The following USP43 variants were observed in gnomAD, a reference collection of about 807,000 sequenced individuals.
USP43 encodes ubiquitin carboxyl-terminal hydrolase 43.
USP43 carries 33 observed loss-of-function variants against 90.7 expected under a neutral mutation model. The observed-to-expected ratio is 0.36, with a 90% CI of 0.28 to 0.49. The LOEUF (loss-of-function observed/expected upper bound fraction) is 0.49. USP43 is among the 20% of genes least tolerant of loss of function. The pLI is 0.98. For missense variants in USP43, 1,274 were observed against 1,476.4 expected (o/e 0.86, Z 2.25); for synonymous variants, 598 against 615.8 (o/e 0.97, Z 0.43).
At chr17:9,672,204 C>A (rs549177617) in intron 3 of USP43, among the ~76,000 whole-genome samples, 9 of 152,252 alleles carry the variant, frequency 5.9e-5, no homozygotes, top group African/African-American at 2.2e-4. Flanking sequence ...ACCATGTTGA[C>A]CGGGTTGGTC....
intron 14 of USP43, among the ~76,000 whole-genome samples, chr17:9,725,698 C>T (rs1344831348): frequency 1.3e-5 from 2 of 152,158 alleles, no homozygotes; most frequent in East Asian, 1.9e-4. Flanking sequence ...GTAGCTCAGG[C>T]GTTGATGTCA....
intron 14 of USP43, among the ~76,000 whole-genome samples, chr17:9,724,586 A>C (rs1917156810): frequency 6.6e-6 from 1 of 152,202 alleles, no homozygotes; most frequent in Admixed American, 6.5e-5. Flanking sequence ...AGGCTGAGGC[A>C]GGAGAATCAC....
intron 14 of USP43, among the ~76,000 whole-genome samples, chr17:9,715,287 C>T (rs1916437334): frequency 6.6e-6 from 1 of 151,920 alleles, no homozygotes; most frequent in South Asian, 2.1e-4. Context: ...ATAGTGAGAC[C>T]CCATCTCTAT....
intron 3 of USP43, among the ~76,000 whole-genome samples, chr17:9,668,619 G>A (rs1913196344): frequency 1.3e-5 from 2 of 152,174 alleles, no homozygotes; most frequent in Non-Finnish European, 1.5e-5. Context: ...ATGACTGCGG[G>A]CTCTTCGTTC....
In USP43 at chr17:9,670,791, G is replaced by A. The variant is rs142024038; in HGVS notation, c.740+4040G>A. Among the ~76,000 whole-genome samples, 474 of 152,244 alleles carry A rather than the reference G, an allele frequency of 3.1e-3. 5 individuals are homozygous for A. Among genetic ancestry groups the A allele is most frequent in the Non-Finnish European group, 5.3e-3 (360 of 68,018 alleles). ...TGCCCTTTGGGTATTTTTTCCTATAGCATGATGAGTAAGAGGCGAGGTGTT... is the reference window on the plus strand; with the variant it reads ...TGCCCTTTGGGTATTTTTTCCTATAACATGATGAGTAAGAGGCGAGGTGTT... On this transcript the variant is annotated intron_variant, in intron 3 of 14. Transcript: ENST00000285199.
rs541739532 is a variant in USP43, at chr17:9,688,516, A to C, written c.1353+1607A>C. The stretch of plus-strand genomic sequence containing the variant: ...CAGGCAAGCGCCACCACACCCAGCT[A>C]ATTTTTGTATATTTAGTAGACACGG... On this transcript the variant is annotated intron_variant, in intron 8 of 14. Coordinates refer to ENST00000285199, the MANE Select transcript of USP43 (RefSeq NM_153210.5). Among the ~76,000 whole-genome samples, 14 of 149,866 alleles carry C rather than the reference A, an allele frequency of 9.3e-5. 1 individual carries two copies. The South Asian group carries it at 3.0e-3, about 32-fold the overall frequency.
intron 9 of USP43, among the ~76,000 whole-genome samples, chr17:9,695,019 T>C (rs192282868): frequency 6.6e-6 from 1 of 152,332 alleles, no homozygotes; most frequent in East Asian, 1.9e-4. Flanking sequence ...AGCGCTAGAA[T>C]TGAGTAGAGT....
rs892016823 is a variant in USP43, at chr17:9,674,509, G to A, written c.741-382G>A. Among the ~76,000 whole-genome samples, 3 of 152,148 alleles carry A rather than the reference G, an allele frequency of 2.0e-5. No individual in the cohort carries two copies. The highest frequency in any genetic ancestry group is 2.1e-4 in the South Asian group (1 of 4,818). ...CCTGTTCTGGATACTTCATATAAAC[G>A]GGATCGTACAATATGTGGGCTTTCA... On this transcript the variant is annotated intron_variant, in intron 3 of 14. Coordinates refer to ENST00000285199, the MANE Select transcript of USP43 (RefSeq NM_153210.5). This position sits in a 1 kb window ranked among gnomAD's most constrained non-coding sequence, Gnocchi z 4.4.
chr17:9,669,385 A>C (rs1913248637), intron 3 of USP43, among the ~76,000 whole-genome samples: 1 of 152,130 alleles, frequency 6.6e-6, no homozygotes, highest in Non-Finnish European at 1.5e-5. Flanking sequence ...TCTCGTCCAC[A>C]TACTCTTCTT....
At chr17:9,707,712 C>G (rs999657657) in intron 12 of USP43, among the ~76,000 whole-genome samples, 2 of 149,600 alleles carry the variant, frequency 1.3e-5, no homozygotes, top group Non-Finnish European at 3.0e-5. Context: ...TTTTAATGCA[C>G]TGATTACCAG....
rs753645778 is a variant in USP43 at position 9,712,016 on chromosome 17, G to C, written c.2219G>C (p.Ser740Thr). Residue 740 changes from serine to threonine, a missense_variant, in exon 14 of 15, where the codon AGC (serine) becomes ACC (threonine). Physicochemically the swap from Ser to Thr is moderately conservative, Grantham distance 58 (BLOSUM62 1). Around this residue, in one of 6 missense-constraint regions of USP43, gnomAD observed 285 missense variants for 349.6 expected, o/e 0.82. Transcript: ENST00000285199. The part of the protein sequence containing the change: ...LSDHWLLRLG[S>T]HAGSTRGSLL... ...GATCACTGGCTCTTACGGCTCGGGAGCCACGCTGGCAGCACAAGGGGAAGC... is the reference window on the plus strand; with the variant it reads ...GATCACTGGCTCTTACGGCTCGGGACCCACGCTGGCAGCACAAGGGGAAGC... The C allele has an allele frequency of 2.5e-6, 4 of 1,611,538 alleles. No homozygotes were observed. Among genetic ancestry groups the C allele is most frequent in the Non-Finnish European group, 3.4e-6 (4 of 1,178,888 alleles).
intron 8 of USP43, among the ~76,000 whole-genome samples, chr17:9,688,148 G>A (rs1476131024): frequency 6.6e-6 from 1 of 151,702 alleles, no homozygotes; most frequent in Admixed American, 6.6e-5. Flanking sequence ...ACCACGCCCA[G>A]CTAACTTTTT....
chr17:9,671,272 A>T (rs1165213536), intron 3 of USP43, among the ~76,000 whole-genome samples: 1 of 146,986 alleles, frequency 6.8e-6, no homozygotes, highest in Admixed American at 6.7e-5. Context: ...TTTTGGCTGG[A>T]GGAGGGAGTG....
intron 12 of USP43, among the ~76,000 whole-genome samples, chr17:9,705,543 T>C (rs1416805143): frequency 6.6e-6 from 1 of 151,694 alleles, no homozygotes; most frequent in African/African-American, 2.4e-5. Context: ...TCACTTGAGG[T>C]TAGGAGTTCA....
At chr17:9,699,395 A>G (rs1326168353) in intron 9 of USP43, among the ~76,000 whole-genome samples, 2 of 152,170 alleles carry the variant, frequency 1.3e-5, no homozygotes, top group Non-Finnish European at 2.9e-5. Context: ...TCCAGCTCAG[A>G]CCTGTCCATG....
chr17:9,654,371 T>G (rs1443545977), intron 1 of USP43, among the ~76,000 whole-genome samples: 1 of 152,136 alleles, frequency 6.6e-6, no homozygotes, highest in Non-Finnish European at 1.5e-5. Context: ...GAATCCAAAC[T>G]AATGTGATTG....
At chr17:9,664,977 T>A (rs1912929001) in intron 2 of USP43, among the ~76,000 whole-genome samples, 1 of 152,226 alleles carries the variant, frequency 6.6e-6, no homozygotes, top group Non-Finnish European at 1.5e-5. Flanking sequence ...TAAATAGCGT[T>A]ATATTATGAG....
chr17:9,700,124 G>A, intron 9 of USP43, 48 bp from the exon 10 acceptor site: 1 of 1,525,368 alleles, frequency 6.6e-7, no homozygotes. Flanking sequence ...AAGAGCTGTG[G>A]GAAGGAGGCC....
At chr17:9,715,182 G>A (rs997556303) in intron 14 of USP43, among the ~76,000 whole-genome samples, 7 of 152,204 alleles carry the variant, frequency 4.6e-5, no homozygotes, top group African/African-American at 1.7e-4. Flanking sequence ...CCTTAAGGCT[G>A]AGCGTTGTCA....
Sources: allele counts gnomAD v4.1 joint callset (sites outside exome capture counted in the v4.1 genomes callset), GRCh38; gene constraint gnomAD v4.1.1; regional missense constraint gnomAD v4.1.1; non-coding constraint Gnocchi (gnomAD v3.1); transcripts MANE v1.5; gene names NCBI Gene and HGNC (gene_info 2026-07-23, HGNC 2026-07-21).